The following RBM47 variants were observed in gnomAD, a reference collection of about 807,000 sequenced individuals.
RBM47 encodes the protein RNA binding motif protein 47.
RBM47 carries 21 observed loss-of-function variants against 47.1 expected under a neutral mutation model. That is an observed-to-expected ratio of 0.45 (90% CI 0.32 to 0.64). RBM47 has a LOEUF of 0.64. Among genes scored for constraint, RBM47 ranks in the 30% least tolerant of loss-of-function variants. The pLI is 0.05. For missense variants in RBM47, 708 were observed against 870.9 expected (o/e 0.81, Z 2.35); for synonymous variants, 375 against 361.7 (o/e 1.04, Z -0.42).
Position 40,628,850 on chromosome 4 carries a change from C to T in RBM47, c.-240+546G>A, listed in dbSNP as rs1737976283. Among the ~76,000 whole-genome samples, 1 of 152,192 alleles carries T rather than the reference C, an allele frequency of 6.6e-6. No individual in the cohort carries two copies. Among genetic ancestry groups the T allele is most frequent in the African/African-American group, 2.4e-5 (1 of 41,520 alleles). Reference sequence around the variant, plus strand: ...TATTTTATCTGATTTCTTAAATATCCGGTCAACTGCTAATTTGTCAGATGT... The same window carrying T: ...TATTTTATCTGATTTCTTAAATATCTGGTCAACTGCTAATTTGTCAGATGT... On this transcript the variant is annotated intron_variant, in intron 1 of 6. Coordinates refer to ENST00000295971, the MANE Select transcript of RBM47 (RefSeq NM_001098634.2). This position sits in a 1 kb window ranked among gnomAD's most constrained non-coding sequence, Gnocchi z 4.0.
chr4:40,538,026 A>G (rs1728148761), intron 2 of RBM47, among the ~76,000 whole-genome samples: 1 of 151,966 alleles, frequency 6.6e-6, no homozygotes, highest in African/African-American at 2.4e-5. Flanking sequence ...AAGTCTTGGA[A>G]AGTTCTTCAG....
intron 1 of RBM47, among the ~76,000 whole-genome samples, chr4:40,621,879 GTTAC>G (rs993755957): frequency 1.9e-4 from 29 of 152,222 alleles, no homozygotes; most frequent in African/African-American, 7.0e-4. Flanking sequence ...TGCCTTGCAC[GTTAC>G]TTAGTCATCA....
intron 2 of RBM47, among the ~76,000 whole-genome samples, chr4:40,541,348 G>A (rs1158904644): frequency 6.6e-6 from 1 of 152,008 alleles, no homozygotes; most frequent in Admixed American, 6.6e-5. Context: ...TGGAATTAGG[G>A]TTCCTTTTGT....
rs553404717 is a variant in RBM47, at chr4:40,591,842, C to T, written c.-240+37554G>A. Among the ~76,000 whole-genome samples the T allele has an allele frequency of 2.0e-3, 303 of 152,180 alleles. 2 individuals carry two copies. The highest frequency in any genetic ancestry group is 3.3e-3 in the Admixed American group (51 of 15,276). ...AGCCTTTTAGAGAGGGCACAGGACA[C>T]GTACAAGTGAAGACATATGGCAGAA... is the stretch of plus-strand genomic sequence containing the variant. On this transcript the variant is annotated intron_variant, in intron 1 of 6. Transcript: ENST00000295971.
At chr4:40,443,168 T>C (rs1713926604) in intron 3 of RBM47, among the ~76,000 whole-genome samples, 1 of 149,788 alleles carries the variant, frequency 6.7e-6, no homozygotes, top group African/African-American at 2.5e-5. Context: ...AAGGGAGGAG[T>C]GGGGAATTAG....
chr4:40,542,104 T>C (rs556972650), intron 2 of RBM47, among the ~76,000 whole-genome samples: 1 of 152,306 alleles, frequency 6.6e-6, no homozygotes, highest in Non-Finnish European at 1.5e-5. Flanking sequence ...AGGGGAGCAA[T>C]ACTTGGGCTC....
intron 1 of RBM47, among the ~76,000 whole-genome samples, chr4:40,622,121 T>C (rs1482872224): frequency 1.3e-5 from 2 of 152,242 alleles, no homozygotes; most frequent in Admixed American, 6.5e-5. Context: ...GACGCTCCTC[T>C]AATGTGCTTG....
At chr4:40,474,897 A>C (rs1352526308) in intron 2 of RBM47, among the ~76,000 whole-genome samples, 1 of 152,236 alleles carries the variant, frequency 6.6e-6, no homozygotes, top group Admixed American at 6.5e-5. Flanking sequence ...AGAAGGGTTA[A>C]GAGAGAAGAG....
At chr4:40,516,754 A>G (rs1270709272) in intron 2 of RBM47, among the ~76,000 whole-genome samples, 1 of 152,152 alleles carries the variant, frequency 6.6e-6, no homozygotes, top group Admixed American at 6.5e-5. Context: ...ATTTCCCTTA[A>G]GCCACTGACC....
intron 1 of RBM47, among the ~76,000 whole-genome samples, chr4:40,582,859 C>T (rs1733088819): frequency 6.6e-6 from 1 of 152,244 alleles, no homozygotes; most frequent in African/African-American, 2.4e-5. Flanking sequence ...ATCCATGTCT[C>T]ATTACCACCC....
chr4:40,497,143 A>C (rs1283282664), intron 2 of RBM47, among the ~76,000 whole-genome samples: 1 of 152,126 alleles, frequency 6.6e-6, no homozygotes, highest in South Asian at 2.1e-4. Flanking sequence ...GCACAGCAAG[A>C]TCTGAATCCC....
intron 2 of RBM47, among the ~76,000 whole-genome samples, chr4:40,472,395 T>C (rs1199791624): frequency 6.6e-6 from 1 of 151,974 alleles, no homozygotes; most frequent in Non-Finnish European, 1.5e-5. Flanking sequence ...ACCAACATGG[T>C]GAAACCCCGT....
intron 3 of RBM47, 52 bp from the exon 4 acceptor site, chr4:40,438,976 T>C (rs991999476): frequency 2.5e-5 from 36 of 1,411,920 alleles, no homozygotes; most frequent in Non-Finnish European, 3.2e-5. Context: ...CTTGCCTCTT[T>C]TGGGTTGTGT....
At chr4:40,524,746 G>A (rs537837337) in intron 2 of RBM47, among the ~76,000 whole-genome samples, 1 of 152,302 alleles carries the variant, frequency 6.6e-6, no homozygotes, top group South Asian at 2.1e-4. Flanking sequence ...TCAGCCTCCT[G>A]AGTAGCTAGG....
chr4:40,622,641 G>C (rs963052657), intron 1 of RBM47, among the ~76,000 whole-genome samples: 3 of 152,176 alleles, frequency 2.0e-5, no homozygotes, highest in Admixed American at 6.5e-5. Flanking sequence ...CAGCACTTTA[G>C]GAGGCCAAGG....
intron 2 of RBM47, among the ~76,000 whole-genome samples, chr4:40,481,167 T>G (rs1199500620): frequency 6.6e-6 from 1 of 152,134 alleles, no homozygotes; most frequent in Non-Finnish European, 1.5e-5. Context: ...TCAAGTACTA[T>G]GCTCTTCCAT....
intron 2 of RBM47, chr4:40,516,096 C>G (rs957165345): frequency 1.3e-5 from 2 of 151,992 alleles, no homozygotes; most frequent in Non-Finnish European, 2.9e-5. Flanking sequence ...CAACATTTCT[C>G]GTCTTGCCCT....
chr4:40,434,744 T>C (rs1329748027), intron 5 of RBM47, among the ~76,000 whole-genome samples: 3 of 145,046 alleles, frequency 2.1e-5, no homozygotes, highest in Non-Finnish European at 4.5e-5. Flanking sequence ...ACTAGAATCA[T>C]CAAAAGAAAG....
Position 40,576,055 on chromosome 4 carries a change from G to T in RBM47, c.-239-31549C>A, listed in dbSNP as rs941658076. Among the ~76,000 whole-genome samples the T allele has an allele frequency of 2.0e-5, 3 of 152,282 alleles. No individual in the cohort carries two copies. In the East Asian group the frequency reaches 5.8e-4, roughly 29 times the overall value. ...GGGTTCTCCTTTGGATCGGACACTG[G>T]GGAAGTGTTCCTTCCCTGCAGGCTC... On this transcript the variant is annotated intron_variant, in intron 1 of 6. Coordinates refer to ENST00000295971, the MANE Select transcript of RBM47 (RefSeq NM_001098634.2).
Sources: gnomAD v4.1 joint callset for allele counts (sites outside exome capture counted in the v4.1 genomes callset) on GRCh38, gnomAD v4.1.1 for gene constraint, Gnocchi (gnomAD v3.1) non-coding constraint, MANE v1.5 for transcripts, NCBI Gene and HGNC (gene_info 2026-07-23, HGNC 2026-07-21) for gene names.